VSIR: variants seen among roughly 807,000 people sequenced by gnomAD.
VSIR encodes the protein V-set immunoregulatory receptor.
VSIR carries 10 observed loss-of-function variants against 31.0 expected under a neutral mutation model. The ratio of observed to expected loss-of-function variants is 0.32; its 90% CI spans 0.20 to 0.55. The LOEUF is 0.55. VSIR is among the 20% of genes least tolerant of loss of function. The pLI is 0.93. For synonymous variants in VSIR, 179 were observed against 180.1 expected, an observed-to-expected ratio of 0.99 and a Z score of 0.05; for missense variants, 356 against 416.2, an observed-to-expected ratio of 0.86 and a Z score of 1.26.
chr10:71,760,279 ATGTATATATG>A (rs1358068817), intron 3 of VSIR, among the ~76,000 whole-genome samples: 1 of 112,726 alleles, frequency 8.9e-6, no homozygotes, highest in Admixed American at 9.8e-5. Context: ...ATATATATGT[ATGTATATATG>A]TGTATATATA....
At chr10:71,759,198 T>C (rs1439441559) in intron 3 of VSIR, among the ~76,000 whole-genome samples, 1 of 151,392 alleles carries the variant, frequency 6.6e-6, no homozygotes, top group African/African-American at 2.4e-5. Flanking sequence ...CCACCATGCC[T>C]GGCTAATTTT....
chr10:71,759,160 C>G (rs913762443), intron 3 of VSIR, among the ~76,000 whole-genome samples: 2 of 152,052 alleles, frequency 1.3e-5, no homozygotes, highest in African/African-American at 4.8e-5. Context: ...GCCTCAGCCT[C>G]TTGAGTAGCT....
chr10:71,768,984 C>T (rs912642685), intron 1 of VSIR, among the ~76,000 whole-genome samples: 8 of 152,200 alleles, frequency 5.3e-5, no homozygotes, highest in African/African-American at 1.9e-4. Context: ...CATCTGACTA[C>T]TCTCTAGAGA....
intron 1 of VSIR, among the ~76,000 whole-genome samples, chr10:71,763,735 C>T (rs1487984387): frequency 6.6e-6 from 1 of 152,222 alleles, no homozygotes; most frequent in Non-Finnish European, 1.5e-5. Flanking sequence ...TCTGTAAGTG[C>T]CATGCGAGTA....
In VSIR at chr10:71,752,366, T is replaced by G. The variant is rs150453987; in HGVS notation, c.705-505A>C. Among the ~76,000 whole-genome samples, 838 of 152,306 alleles carry G rather than the reference T, an allele frequency of 5.5e-3. 6 individuals carry two copies. The highest frequency in any genetic ancestry group is 0.019 in the African/African-American group (786 of 41,566). Reference sequence around the variant, plus strand: ...AAGCAGGACTTCCTTCAACCTGTCTTGAAGATCATCCCTTTCAAACACCTA... The same window carrying G: ...AAGCAGGACTTCCTTCAACCTGTCTGGAAGATCATCCCTTTCAAACACCTA... On this transcript the variant is annotated intron_variant, in intron 5 of 6. Transcript: ENST00000394957.
chr10:71,761,706 TGC>T lies in VSIR; in HGVS notation c.401_402del (p.Arg134GlnfsTer7). 3.1e-6 allele frequency: 5 copies of T among 1,614,008 alleles called. No homozygotes were observed. Among genetic ancestry groups the T allele is most frequent in the Non-Finnish European group, 4.2e-6 (5 of 1,180,008 alleles). On this transcript the variant is annotated frameshift_variant, in exon 2 of 7. Coordinates refer to ENST00000394957, the MANE Select transcript of VSIR (RefSeq NM_022153.2). LOFTEE classifies it high-confidence loss of function. ...DHHGNFSITMRNLTLLDSGLY... is the reference protein window; with the variant it reads ...DHHGNFSITMXNLTLLDSGLY... ...AGGCCGCTATCCAGCAGGGTCAGGT[TGC>T]GCATGGTGATGGAGAAGTTGCCATG... is the stretch of plus-strand genomic sequence containing the variant.
chr10:71,753,479 G>T (rs530607836), intron 4 of VSIR, among the ~76,000 whole-genome samples: 1 of 152,292 alleles, frequency 6.6e-6, no homozygotes, highest in African/African-American at 2.4e-5. Flanking sequence ...GAGGGCTCCT[G>T]GTCCTCTCTG....
intron 1 of VSIR, 90 bp downstream of exon 1, chr10:71,773,268 G>T (rs1589413246): frequency 7.1e-7 from 1 of 1,402,952 alleles, no homozygotes; most frequent in Non-Finnish European, 9.8e-7. Context: ...GGCTGAGAGG[G>T]CCCCCAGGAC....
intron 4 of VSIR, among the ~76,000 whole-genome samples, chr10:71,753,638 G>A (rs1840061675): frequency 6.6e-6 from 1 of 152,042 alleles, no homozygotes; most frequent in African/African-American, 2.4e-5. Flanking sequence ...TCAGCCTTGG[G>A]ACACCCCACC....
At chr10:71,773,257 A>G in intron 1 of VSIR, 101 bp downstream of exon 1, 1 of 1,336,872 alleles carries the variant, frequency 7.5e-7, no homozygotes, top group Admixed American at 2.2e-5. Flanking sequence ...ACGGTCACAC[A>G]GGCTGAGAGG....
At chr10:71,760,715 A>G (rs1840357922) in intron 3 of VSIR, 153 bp downstream of exon 3, 4 of 703,674 alleles carry the variant, frequency 5.7e-6, no homozygotes, top group South Asian at 3.3e-5. Flanking sequence ...CCAAGGAGGA[A>G]GCAGAAGGGA....
chr10:71,762,992 C>T (rs1012594453), intron 1 of VSIR, among the ~76,000 whole-genome samples: 7 of 152,114 alleles, frequency 4.6e-5, no homozygotes, highest in Non-Finnish European at 8.8e-5. Flanking sequence ...ATAGAGGCCG[C>T]GTTTCTATCT....
At chr10:71,767,980 C>G (rs958070625) in intron 1 of VSIR, among the ~76,000 whole-genome samples, 1 of 152,172 alleles carries the variant, frequency 6.6e-6, no homozygotes, top group Non-Finnish European at 1.5e-5. Flanking sequence ...GGATGAACCC[C>G]TCCCAGACTC....
chr10:71,759,788 G>T (rs2132880660), intron 3 of VSIR, among the ~76,000 whole-genome samples: 1 of 145,164 alleles, frequency 6.9e-6, no homozygotes, highest in East Asian at 2.1e-4. Flanking sequence ...CTCCAGCCTG[G>T]GTAACAGAGT....
At chr10:71,760,758 G>C in intron 3 of VSIR, 110 bp downstream of exon 3, 2 of 977,260 alleles carry the variant, frequency 2.0e-6, no homozygotes, top group South Asian at 1.3e-5. Context: ...AGGACCGGGG[G>C]GTTCTGAGGG....
At chr10:71,771,503 A>T (rs555400150) in intron 1 of VSIR, among the ~76,000 whole-genome samples, 1 of 152,360 alleles carries the variant, frequency 6.6e-6, no homozygotes, top group Admixed American at 6.5e-5. Flanking sequence ...CCATGCCTGC[A>T]ACCAGGCCTC....
chr10:71,755,004 G>A, intron 4 of VSIR: 4 of 450,632 alleles, frequency 8.9e-6, no homozygotes, highest in Non-Finnish European at 1.8e-5. Flanking sequence ...TACAAAACAA[G>A]CACGCCCATA....
intron 3 of VSIR, among the ~76,000 whole-genome samples, chr10:71,759,296 C>T (rs1314472754): frequency 6.6e-6 from 1 of 151,988 alleles, no homozygotes; most frequent in Non-Finnish European, 1.5e-5. Context: ...CCTTGACCTC[C>T]TAAAGTGCTG....
At position 71,755,368 on chromosome 10, in the gene VSIR, A is replaced by G; in HGVS notation, c.667T>C (p.Ser223Pro). Residue 223 changes from serine to proline, a missense_variant, in exon 4 of 7, where the codon TCC becomes CCC. Physicochemically the swap from Ser to Pro is moderately conservative, Grantham distance 74. Around this residue, in one of 2 missense-constraint regions of VSIR, gnomAD observed 190 missense variants for 185.2 expected, o/e 1.03. Coordinates refer to ENST00000394957, the MANE Select transcript of VSIR (RefSeq NM_022153.2). ...LLVYKQRQAASNRRAQELVRM... is the reference protein window; with the variant it reads ...LLVYKQRQAAPNRRAQELVRM... The stretch of plus-strand genomic sequence containing the variant: ...AGGGAGGAATACTCACGGCGGTTGG[A>G]GGCTGCCTGCCTTTGCTTGTAGACC... 2 of 1,608,522 alleles carry G rather than the reference A, an allele frequency of 1.2e-6. No individual in the cohort carries two copies. The highest frequency in any genetic ancestry group is 1.7e-6 in the Non-Finnish European group (2 of 1,176,658).
Sources: gnomAD v4.1 joint callset for allele counts (sites outside exome capture counted in the v4.1 genomes callset) on GRCh38, gnomAD v4.1.1 for gene constraint, gnomAD v4.1.1 regional missense constraint, MANE v1.5 for transcripts, NCBI Gene and HGNC (gene_info 2026-07-23, HGNC 2026-07-21) for gene names.